Variants in TTC28 observed in about 807,000 individuals in gnomAD.
TTC28 encodes tetratricopeptide repeat domain 28, also known as tetratricopeptide repeat protein 28.
A neutral mutation model predicts 198.0 loss-of-function variants in TTC28; 61 were observed. That is an observed-to-expected ratio of 0.31 (90% CI 0.25 to 0.38). The LOEUF (loss-of-function observed/expected upper bound fraction) is 0.38. TTC28 is among the 10% of genes least tolerant of loss of function. The pLI is 1.00. For synonymous variants in TTC28, 1,171 were observed against 1,297.8 expected (o/e 0.90, Z 2.10); for missense variants, 2,678 against 3,164.0 (o/e 0.85, Z 3.69).
intron 2 of TTC28, among the ~76,000 whole-genome samples, chr22:28,361,147 T>C (rs1601688076): frequency 1.3e-5 from 2 of 151,698 alleles, no homozygotes; most frequent in South Asian, 2.1e-4. Context: ...AAAGAAAGAG[T>C]TGCACATCTC....
At position 28,502,376 on chromosome 22, in the gene TTC28, T is replaced by C. The variant is rs566402441; in HGVS notation, c.381+127176A>G. Among the ~76,000 whole-genome samples, 12 of 152,098 alleles carry C rather than the reference T, an allele frequency of 7.9e-5. No homozygotes were observed. In the East Asian group the frequency reaches 2.3e-3, roughly 29 times the overall value. ...AGAAAATGGGCCAGGCGCAGTGGCT[T>C]ATGCCTGTAATCCCAGCACTTTGGG... On this transcript the variant is annotated intron_variant, in intron 2 of 22. Transcript: ENST00000397906.
At position 28,005,740 on chromosome 22, in the gene TTC28, G is replaced by A. The variant is rs935112210; in HGVS notation, c.4219-4187C>T. Among the ~76,000 whole-genome samples, 34 of 152,190 alleles carry A rather than the reference G, an allele frequency of 2.2e-4. No individual in the cohort carries two copies. The highest frequency in any genetic ancestry group is 6.8e-4 in the African/African-American group (28 of 41,448). On this transcript the variant is annotated intron_variant, in intron 14 of 22. Coordinates refer to ENST00000397906, the MANE Select transcript of TTC28 (RefSeq NM_001145418.2). This position sits in a 1 kb window ranked among gnomAD's most constrained non-coding sequence, Gnocchi z 4.9. ...CCTGGACTCCCTGGCACCTATCACC[G>A]CTGGAAGCTGATGGCTGCTCTCCTG...
chr22:28,165,483 A>G (rs135658), intron 5 of TTC28, among the ~76,000 whole-genome samples: 127,136 of 149,262 alleles, frequency 0.85, 54,391 homozygotes, highest in African/African-American at 0.93. Context: ...TGATCTCAGG[A>G]CAGAAACTCT....
At chr22:28,586,798 AT>A (rs2050325738) in intron 2 of TTC28, among the ~76,000 whole-genome samples, 1 of 152,158 alleles carries the variant, frequency 6.6e-6, no homozygotes, top group African/African-American at 2.4e-5. Flanking sequence ...TTCAACCAAT[AT>A]TTTTTATATG....
chr22:28,671,063 C>T (rs1217128361), intron 1 of TTC28, among the ~76,000 whole-genome samples: 1 of 152,044 alleles, frequency 6.6e-6, no homozygotes, highest in Non-Finnish European at 1.5e-5. Context: ...AATCACTGCT[C>T]ACTGCAGCTG....
chr22:28,504,306 ATT>A (rs1442747371), intron 2 of TTC28, among the ~76,000 whole-genome samples: 2 of 152,144 alleles, frequency 1.3e-5, no homozygotes, highest in African/African-American at 4.8e-5. Flanking sequence ...ATCACAAGTA[ATT>A]TTGAGTTATA....
At chr22:28,169,090 C>T (rs1922358543) in intron 5 of TTC28, among the ~76,000 whole-genome samples, 1 of 152,166 alleles carries the variant, frequency 6.6e-6, no homozygotes, top group Non-Finnish European at 1.5e-5. Flanking sequence ...CATTACTGGC[C>T]ATCAGAGAAA....
chr22:28,105,900 T>C lies in TTC28; in HGVS notation c.2784-98A>G, dbSNP rs1043939078. Reference sequence around the variant, plus strand: ...ATGAAAAGCATTTGTCACTGTCACTTACTATAGAAGCTCTTAACTCCTCTT... The same window carrying C: ...ATGAAAAGCATTTGTCACTGTCACTCACTATAGAAGCTCTTAACTCCTCTT... On this transcript the variant is annotated intron_variant, in intron 7 of 22. Transcript: ENST00000397906. 7 of 1,377,814 alleles carry C rather than the reference T, an allele frequency of 5.1e-6. No individual in the cohort carries two copies. The South Asian group carries it at 1.1e-4, about 21-fold the overall frequency. 85.3% of individuals were successfully genotyped at this position (1,377,814 alleles called of 1,614,324 possible).
At position 28,297,735 on chromosome 22, in the gene TTC28, A is replaced by G; in HGVS notation, c.647T>C (p.Val216Ala). Residue 216 changes from valine to alanine, a missense_variant, in exon 4 of 23, where the codon GTG becomes GCG. Coordinates refer to ENST00000397906, the MANE Select transcript of TTC28 (RefSeq NM_001145418.2). ...CTTCAGTGCGGCTTCTAAGACAACCACAGAGGCCCCATGATGGCCAGCTGT... is the reference window on the plus strand; with the variant it reads ...CTTCAGTGCGGCTTCTAAGACAACCGCAGAGGCCCCATGATGGCCAGCTGT... ...LLTAGHHGAS[V>A]VVLEAALKIG... 2.6e-6 allele frequency: 4 copies of G among 1,551,636 alleles called. No homozygotes were observed. Among genetic ancestry groups the G allele is most frequent in the Non-Finnish European group, 3.5e-6 (4 of 1,146,978 alleles).
rs1942060277 is a variant in TTC28, at chr22:28,099,052, G to A, written c.3418-8C>T. On this transcript the variant is annotated splice_polypyrimidine_tract_variant and splice_region_variant and intron_variant, in intron 9 of 22. Coordinates refer to ENST00000397906, the MANE Select transcript of TTC28 (RefSeq NM_001145418.2). ...GGCTGATGCCCTATAAAGCTGCAAG[G>A]AGGGAGGAAGAACATCATCCATTCC... The A allele has an allele frequency of 1.3e-6, 2 of 1,551,900 alleles. No homozygotes were observed. The highest frequency in any genetic ancestry group is 1.7e-6 in the Non-Finnish European group (2 of 1,147,024).
intron 2 of TTC28, among the ~76,000 whole-genome samples, chr22:28,497,580 G>C (rs1180134444): frequency 6.6e-6 from 1 of 152,136 alleles, no homozygotes; most frequent in African/African-American, 2.4e-5. Flanking sequence ...GTTCACTCAA[G>C]TTTGCTAGTG....
intron 2 of TTC28, among the ~76,000 whole-genome samples, chr22:28,505,710 C>G (rs1441250234): frequency 6.6e-6 from 1 of 152,176 alleles, no homozygotes. Flanking sequence ...CAGAATCCCC[C>G]GCAAGGCAGA....
chr22:28,387,553 G>C (rs1472291843), intron 2 of TTC28, among the ~76,000 whole-genome samples: 1 of 152,112 alleles, frequency 6.6e-6, no homozygotes, highest in Non-Finnish European at 1.5e-5. Context: ...GTGTGAGATG[G>C]TATCTCATTG....
At chr22:28,532,005 G>A (rs1009606171) in intron 2 of TTC28, among the ~76,000 whole-genome samples, 7 of 152,138 alleles carry the variant, frequency 4.6e-5, no homozygotes, top group Non-Finnish European at 7.4e-5. Context: ...AAGAACTTGA[G>A]AAGCAAGAGC....
At chr22:28,271,808 T>C (rs893513211) in intron 5 of TTC28, among the ~76,000 whole-genome samples, 1 of 152,174 alleles carries the variant, frequency 6.6e-6, no homozygotes, top group African/African-American at 2.4e-5. Flanking sequence ...TTTCACCATG[T>C]TGGCCAGGCT....
At chr22:28,189,068 T>C (rs1924474655) in intron 5 of TTC28, among the ~76,000 whole-genome samples, 1 of 152,230 alleles carries the variant, frequency 6.6e-6, no homozygotes, top group African/African-American at 2.4e-5. Flanking sequence ...AAAGTATTGT[T>C]GGGCACAGTA....
chr22:27,999,079 A>C lies in TTC28; in HGVS notation c.4580T>G (p.Val1527Gly), dbSNP rs1212134107. 6.4e-6 allele frequency: 10 copies of C among 1,550,436 alleles called. No individual in the cohort carries two copies. The highest frequency in any genetic ancestry group is 7.8e-6 in the Non-Finnish European group (9 of 1,147,010). ...ACTCATGACCCTCTCCTTGGTGGCC[A>C]CACTGCCCACTAGGGGCTGGCAGCC... ...LLGCQPLVGS[V>G]ATKERVMSAL... is the part of the protein sequence containing the mutation. The change falls in exon 16 of 23, where the codon GTG becomes GGG. Residue 1527 changes from valine (V) to glycine (G), a missense_variant. Physicochemically the swap from Val to Gly is moderately radical, Grantham distance 109. Transcript: ENST00000397906.
intron 2 of TTC28, among the ~76,000 whole-genome samples, chr22:28,363,578 T>G (rs946926497): frequency 1.3e-5 from 2 of 152,070 alleles, no homozygotes; most frequent in South Asian, 2.1e-4. Context: ...GACTCCAGAA[T>G]AGTAGATCCA....
At chr22:28,310,174 A>ACACAC (rs56832222) in intron 2 of TTC28, among the ~76,000 whole-genome samples, 2 of 83,684 alleles carry the variant, frequency 2.4e-5, no homozygotes, top group Non-Finnish European at 2.3e-5. Context: ...ACACACACAC[A>ACACAC]AAAAACAAGA....
Sources: allele counts gnomAD v4.1 joint callset (sites outside exome capture counted in the v4.1 genomes callset), GRCh38; gene constraint gnomAD v4.1.1; non-coding constraint Gnocchi (gnomAD v3.1); transcripts MANE v1.5; gene names NCBI Gene and HGNC (gene_info 2026-07-23, HGNC 2026-07-21).